The following CDH13 variants were observed in gnomAD, a reference collection of about 807,000 sequenced individuals.
CDH13 encodes cadherin-13.
CDH13 carries 24 observed loss-of-function variants against 63.8 expected under a neutral mutation model. That is an observed-to-expected ratio of 0.38 (90% CI 0.27 to 0.53). The LOEUF (loss-of-function observed/expected upper bound fraction) is 0.53, where lower values mean the gene tolerates loss of function less well. Ranked by LOEUF, CDH13 falls within the 20% of genes least tolerant of loss-of-function variation. The pLI, the probability that CDH13 is intolerant of heterozygous loss-of-function variation, is 0.85. For missense variants in CDH13, 1,049 were observed against 903.1 expected (o/e 1.16, Z -2.07); for synonymous variants, 503 against 355.3 (o/e 1.42, Z -4.67).
At chr16:82,847,623 T>C (rs530794925) in intron 1 of CDH13, among the ~76,000 whole-genome samples, 1 of 152,344 alleles carries the variant, frequency 6.6e-6, no homozygotes, top group African/African-American at 2.4e-5. Flanking sequence ...ATTCCCAACC[T>C]TAATTACCCT....
intron 1 of CDH13, among the ~76,000 whole-genome samples, chr16:82,728,859 C>T (rs1308549662): frequency 6.6e-6 from 1 of 152,152 alleles, no homozygotes; most frequent in African/African-American, 2.4e-5. Flanking sequence ...CCTCTCAAGC[C>T]CTGCTACTGC....
chr16:83,304,358 A>C (rs1355760344), intron 5 of CDH13, among the ~76,000 whole-genome samples: 2 of 152,210 alleles, frequency 1.3e-5, no homozygotes, highest in Non-Finnish European at 2.9e-5. Flanking sequence ...TGGTAATTTT[A>C]GAAGGAGTCT....
At position 82,805,318 on chromosome 16, in the gene CDH13, A is replaced by G. The variant is rs534282845; in HGVS notation, c.46-53044A>G. On this transcript the variant is annotated intron_variant, in intron 1 of 13. Coordinates refer to ENST00000567109, the MANE Select transcript of CDH13 (RefSeq NM_001257.5). Reference sequence around the variant, plus strand: ...TGACTCTGAAAAACAAAGTAACTGTAAATTTGTGGAACTTTTGGTCTTTCT... The same window carrying G: ...TGACTCTGAAAAACAAAGTAACTGTGAATTTGTGGAACTTTTGGTCTTTCT... Among the ~76,000 whole-genome samples, 73 of 152,330 alleles carry G rather than the reference A, an allele frequency of 4.8e-4. 1 individual carries two copies. The highest frequency in any genetic ancestry group is 1.8e-3 in the African/African-American group (73 of 41,582).
intron 4 of CDH13, among the ~76,000 whole-genome samples, chr16:83,166,632 C>G (rs116363817): frequency 6.6e-6 from 1 of 152,074 alleles, no homozygotes; most frequent in African/African-American, 2.4e-5. Flanking sequence ...GTGCTCTTAC[C>G]TGCCCCATTT....
At chr16:83,764,258 C>A (rs932847862) in intron 11 of CDH13, among the ~76,000 whole-genome samples, 1 of 152,102 alleles carries the variant, frequency 6.6e-6, no homozygotes, top group Non-Finnish European at 1.5e-5. Flanking sequence ...ATGGACCCCC[C>A]CACTTGGACA....
At chr16:83,379,693 C>T (rs745386375) in intron 6 of CDH13, among the ~76,000 whole-genome samples, 10 of 152,026 alleles carry the variant, frequency 6.6e-5, no homozygotes, top group Non-Finnish European at 1.2e-4. Flanking sequence ...CACATCTGTG[C>T]ACAAGGAGAC....
intron 2 of CDH13, among the ~76,000 whole-genome samples, chr16:82,997,754 T>G (rs1393436633): frequency 7.2e-5 from 11 of 152,168 alleles, no homozygotes; most frequent in Admixed American, 7.2e-4. Flanking sequence ...AGTTCAGCAG[T>G]CTATCTGGCT....
intron 8 of CDH13, among the ~76,000 whole-genome samples, chr16:83,646,712 A>AAACACAC (rs1168012793): frequency 3.6e-4 from 29 of 80,538 alleles, no homozygotes; most frequent in South Asian, 1.3e-3. Flanking sequence ...AAAAAAAAAA[A>AAACACAC]ACACACACAC....
rs773323678 is a variant in CDH13, at chr16:83,204,122, C to T, written c.484-13223C>T. 9.2e-5 allele frequency among the ~76,000 whole-genome samples: 14 copies of T among 152,172 alleles called. 2 individuals are homozygous for T. The highest frequency in any genetic ancestry group is 5.2e-4 in the Admixed American group (8 of 15,272). On this transcript the variant is annotated intron_variant, in intron 4 of 13. Coordinates refer to ENST00000567109, the MANE Select transcript of CDH13 (RefSeq NM_001257.5). ...TGAATGGCCATGTCACACGGAGTTC[C>T]GATTGGGAGCTCTTCCATCAGTGTC...
intron 2 of CDH13, among the ~76,000 whole-genome samples, chr16:82,866,271 C>T (rs1450363963): frequency 6.6e-6 from 1 of 151,868 alleles, no homozygotes; most frequent in Non-Finnish European, 1.5e-5. Context: ...CTGCCTGTTA[C>T]ACATTTCCAA....
intron 2 of CDH13, among the ~76,000 whole-genome samples, chr16:82,947,835 T>C (rs1904896972): frequency 6.6e-6 from 1 of 152,144 alleles, no homozygotes; most frequent in Non-Finnish European, 1.5e-5. Flanking sequence ...CTGAAAGTAG[T>C]ATTTAAAATG....
chr16:83,203,770 G>C (rs2039102165), intron 4 of CDH13, among the ~76,000 whole-genome samples: 1 of 151,758 alleles, frequency 6.6e-6, no homozygotes, highest in South Asian at 2.1e-4. Flanking sequence ...GGTCTGAAAT[G>C]ATGGAAAGAA....
At chr16:83,280,810 A>G (rs2089147451) in intron 5 of CDH13, among the ~76,000 whole-genome samples, 1 of 152,252 alleles carries the variant, frequency 6.6e-6, no homozygotes, top group African/African-American at 2.4e-5. Flanking sequence ...TTACTCTTGG[A>G]CATTTCCGTC....
In CDH13 at chr16:83,217,083, T is replaced by C. The variant is rs536070885; in HGVS notation, c.484-262T>C. ...CCAACTTTGACTGAACTGGCATTAT[T>C]GCCCTCCTTGATCCATCACTGTATG... On this transcript the variant is annotated intron_variant, in intron 4 of 13. Coordinates refer to ENST00000567109, the MANE Select transcript of CDH13 (RefSeq NM_001257.5). 7.2e-4 allele frequency among the ~76,000 whole-genome samples: 109 copies of C among 152,342 alleles called. 1 individual carries two copies. Among genetic ancestry groups the C allele is most frequent in the African/African-American group, 2.5e-3 (106 of 41,580 alleles).
chr16:83,282,332 T>G (rs979392597), intron 5 of CDH13, among the ~76,000 whole-genome samples: 1 of 152,216 alleles, frequency 6.6e-6, no homozygotes, highest in African/African-American at 2.4e-5. Flanking sequence ...AATATGTTGA[T>G]AGACATGCTC....
At chr16:82,934,140 G>A (rs1166677757) in intron 2 of CDH13, among the ~76,000 whole-genome samples, 2 of 152,238 alleles carry the variant, frequency 1.3e-5, no homozygotes, top group Admixed American at 6.5e-5. Context: ...GGTTCTGCAT[G>A]AGGGCTCTGC....
chr16:83,556,078 T>C (rs548693146), intron 7 of CDH13, among the ~76,000 whole-genome samples: 28 of 152,210 alleles, frequency 1.8e-4, no homozygotes, highest in Non-Finnish European at 3.8e-4. Flanking sequence ...ACAAAAAGAC[T>C]TAATGAGATA....
chr16:83,083,539 T>A (rs2033398008), intron 3 of CDH13, among the ~76,000 whole-genome samples: 1 of 152,180 alleles, frequency 6.6e-6, no homozygotes, highest in Admixed American at 6.5e-5. Flanking sequence ...AGCTAGTGAG[T>A]AACAGAGCCC....
rs754678790 is a variant in CDH13, at chr16:83,608,660, A to ATTT, written c.1101+6083_1101+6085dup. ...ACCACCATGTCTGGCTAATTTTTGT[A>ATTT]TTTTTTTTTTTTTTTTTTTGGTATT... On this transcript the variant is annotated intron_variant, in intron 8 of 13. Transcript: ENST00000567109. Among the ~76,000 whole-genome samples, 286 of 109,876 alleles carry ATTT rather than the reference A, an allele frequency of 2.6e-3. 1 individual carries two copies. Among genetic ancestry groups the ATTT allele is most frequent in the Admixed American group, 0.018 (191 of 10,376 alleles). 72.1% of individuals were successfully genotyped at this position (109,876 alleles called of 152,430 possible). A position where few individuals can be genotyped will look rare whatever the true frequency, so the allele number is the denominator to read the frequency against.
Sources: gnomAD v4.1 joint callset for allele counts (sites outside exome capture counted in the v4.1 genomes callset) on GRCh38, gnomAD v4.1.1 for gene constraint, MANE v1.5 for transcripts, NCBI Gene and HGNC (gene_info 2026-07-23, HGNC 2026-07-21) for gene names.